The following CACNA1C variants were observed in gnomAD, a reference collection of about 807,000 sequenced individuals.
The protein encoded by CACNA1C is voltage-dependent L-type calcium channel subunit alpha-1C.
CACNA1C carries 30 observed loss-of-function variants against 229.0 expected under a neutral mutation model. That is an observed-to-expected ratio of 0.13 (90% CI 0.10 to 0.18). The LOEUF is 0.18. CACNA1C is among the 10% of genes least tolerant of loss of function. CACNA1C has a pLI of 1.00. For missense variants in CACNA1C, 1,658 were observed against 2,845.0 expected, an observed-to-expected ratio of 0.58 and a Z score of 9.49; for synonymous variants, 1,114 against 1,132.5, an observed-to-expected ratio of 0.98 and a Z score of 0.33.
chr12:2,637,440 G>A (rs559807516), intron 30 of CACNA1C, among the ~76,000 whole-genome samples: 2 of 152,256 alleles, frequency 1.3e-5, no homozygotes, highest in Non-Finnish European at 2.9e-5. Context: ...CTGTTTCCCA[G>A]ATATGCTTAG....
Position 2,595,389 on chromosome 12 carries a change from G to C in CACNA1C, c.2664-485G>C, listed in dbSNP as rs1375853321. Among the ~76,000 whole-genome samples the C allele has an allele frequency of 1.3e-5, 2 of 152,172 alleles. No homozygotes were observed. The highest frequency in any genetic ancestry group is 2.1e-4 in the South Asian group (1 of 4,830). On this transcript the variant is annotated intron_variant, in intron 19 of 46. Coordinates refer to ENST00000399655, the MANE Select transcript of CACNA1C (RefSeq NM_000719.7). The surrounding 1 kb of genome is among the most constrained non-coding windows in gnomAD (Gnocchi z 4.1). ...CTATCACTGAGTGCCTAGAAGCTCA[G>C]TTGGGTAATTGTGCTGGGGCATGGA... is the stretch of plus-strand genomic sequence containing the variant.
rs894696442 is a variant in CACNA1C, at chr12:2,289,836, C to T, written c.478-159140C>T. ...TTTGCCATTTACATGTTCACATTCA[C>T]TTAGCTCAAGTTACCCTTCTGATAA... On this transcript the variant is annotated intron_variant, in intron 3 of 46. Coordinates refer to ENST00000399655, the MANE Select transcript of CACNA1C (RefSeq NM_000719.7). 3.9e-5 allele frequency among the ~76,000 whole-genome samples: 6 copies of T among 152,214 alleles called. No individual in the cohort carries two copies. In the East Asian group the frequency reaches 9.6e-4, roughly 24 times the overall value.
intron 3 of CACNA1C, among the ~76,000 whole-genome samples, chr12:2,441,921 ACTTAGCCTTCCT>A (rs754294469): frequency 6.6e-6 from 1 of 152,088 alleles, no homozygotes; most frequent in Non-Finnish European, 1.5e-5. Flanking sequence ...AAGCCTCCTT[ACTTAGCCTTCCT>A]CTTGCCTGCA....
chr12:2,491,440 G>A (rs1016871669), intron 6 of CACNA1C, among the ~76,000 whole-genome samples: 3 of 151,640 alleles, frequency 2.0e-5, no homozygotes, highest in East Asian at 1.9e-4. Context: ...GAAGAAGGAG[G>A]AGGAGGAAAA....
rs1374517039 is a variant in CACNA1C at position 2,346,692 on chromosome 12, A to G, written c.478-102284A>G. Among the ~76,000 whole-genome samples the G allele has an allele frequency of 6.6e-6, 1 of 152,174 alleles. No individual in the cohort carries two copies. Among genetic ancestry groups the G allele is most frequent in the Admixed American group, 6.5e-5 (1 of 15,274 alleles). ...AGTACAGGCTTTGCCAGGGCTTAGC[A>G]GGGGGAATTGGAAGGCCTTAAAAGG... is the stretch of plus-strand genomic sequence containing the variant. On this transcript the variant is annotated intron_variant, in intron 3 of 46. Coordinates refer to ENST00000399655, the MANE Select transcript of CACNA1C (RefSeq NM_000719.7). The surrounding 1 kb of genome is among the most constrained non-coding windows in gnomAD (Gnocchi z 4.4).
chr12:2,363,566 G>A (rs2097632953), intron 3 of CACNA1C, among the ~76,000 whole-genome samples: 1 of 152,162 alleles, frequency 6.6e-6, no homozygotes, highest in Non-Finnish European at 1.5e-5. Context: ...GTGGGGGAGT[G>A]CTTCCACAGT....
intron 3 of CACNA1C, among the ~76,000 whole-genome samples, chr12:2,147,175 T>C (rs925368152): frequency 5.9e-5 from 9 of 151,372 alleles, no homozygotes; most frequent in African/African-American, 2.2e-4. Flanking sequence ...GGGGGGAACC[T>C]CCAAAATGTT....
intron 8 of CACNA1C, among the ~76,000 whole-genome samples, chr12:2,511,166 C>T (rs954940783): frequency 1.3e-5 from 2 of 152,204 alleles, no homozygotes; most frequent in East Asian, 1.9e-4. Flanking sequence ...CAAACCAGAG[C>T]ATCATTAAGG....
chr12:2,253,022 A>G (rs1290905437), intron 3 of CACNA1C, among the ~76,000 whole-genome samples: 2 of 152,198 alleles, frequency 1.3e-5, no homozygotes, highest in South Asian at 2.1e-4. Flanking sequence ...AAGGGAAGGT[A>G]TGGCAGGAAC....
At chr12:2,658,438 A>G (rs1202782843) in intron 34 of CACNA1C, among the ~76,000 whole-genome samples, 1 of 152,214 alleles carries the variant, frequency 6.6e-6, no homozygotes, top group Non-Finnish European at 1.5e-5. Flanking sequence ...CAGTGACGCT[A>G]TAGCATCAAA....
intron 3 of CACNA1C, among the ~76,000 whole-genome samples, chr12:2,420,316 C>G (rs747716473): frequency 6.6e-6 from 1 of 152,074 alleles, no homozygotes; most frequent in Non-Finnish European, 1.5e-5. Context: ...AGAGATTGGA[C>G]CAGGGAGATG....
chr12:2,612,318 T>C (rs975735375), intron 29 of CACNA1C: 4 of 319,992 alleles, frequency 1.3e-5, no homozygotes, highest in African/African-American at 8.4e-5. Context: ...TTCTCCTATG[T>C]CCCATCCTCT....
At chr12:2,391,932 A>G (rs779263848) in intron 3 of CACNA1C, among the ~76,000 whole-genome samples, 2 of 152,260 alleles carry the variant, frequency 1.3e-5, no homozygotes, top group South Asian at 4.1e-4. Context: ...GGTGGCCACC[A>G]TGCTGCACAG....
chr12:2,245,603 C>T (rs1258257632), intron 3 of CACNA1C, among the ~76,000 whole-genome samples: 3 of 152,264 alleles, frequency 2.0e-5, no homozygotes, highest in South Asian at 2.1e-4. Flanking sequence ...CTTTATGACC[C>T]CAGAACACCT....
chr12:2,606,728 C>A, intron 25 of CACNA1C, 65 bp downstream of exon 25: 1 of 1,420,622 alleles, frequency 7.0e-7, no homozygotes. Flanking sequence ...GGAGGCTTGA[C>A]CAGAAAGGAG....
Position 2,679,621 on chromosome 12 carries a change from A to C in CACNA1C, c.5269A>C (p.Ser1757Arg). ...KLVDSTFTPSSYSSTGSNANI... is the reference protein window; with the variant it reads ...KLVDSTFTPSRYSSTGSNANI... The stretch of plus-strand genomic sequence containing the variant: ...GGTGGACTCCACCTTCACCCCGAGC[A>C]GCTACTCGTCCACCGGCTCCAACGC... The change falls in exon 42 of 47, where the codon AGC (serine) becomes CGC (arginine). Residue 1757 changes from serine to arginine, a missense_variant. By Grantham distance (110) the Ser-to-Arg change is moderately radical. Coordinates refer to ENST00000399655, the MANE Select transcript of CACNA1C (RefSeq NM_000719.7). This position sits in a 1 kb window ranked among gnomAD's most constrained non-coding sequence, Gnocchi z 5.5. 1 of 1,613,894 alleles carries C rather than the reference A, an allele frequency of 6.2e-7. No individual in the cohort carries two copies. The highest frequency in any genetic ancestry group is 1.1e-5 in the South Asian group (1 of 91,054).
chr12:2,401,807 A>G (rs1363331594), intron 3 of CACNA1C, among the ~76,000 whole-genome samples: 2 of 152,266 alleles, frequency 1.3e-5, no homozygotes, highest in Non-Finnish European at 2.9e-5. Context: ...AATGTTGTAA[A>G]ATAATGCAAC....
At chr12:2,175,722 T>C (rs886560808) in intron 3 of CACNA1C, among the ~76,000 whole-genome samples, 1 of 152,148 alleles carries the variant, frequency 6.6e-6, no homozygotes, top group Non-Finnish European at 1.5e-5. Flanking sequence ...TTGCGTTGAG[T>C]AGCTGGAATT....
At chr12:2,434,544 C>T (rs1300587306) in intron 3 of CACNA1C, among the ~76,000 whole-genome samples, 5 of 152,194 alleles carry the variant, frequency 3.3e-5, no homozygotes, top group African/African-American at 4.8e-5. Flanking sequence ...GCGCCGTGGA[C>T]GTCCCACTAC....
Sources: allele counts gnomAD v4.1 joint callset (sites outside exome capture counted in the v4.1 genomes callset), GRCh38; gene constraint gnomAD v4.1.1; non-coding constraint Gnocchi (gnomAD v3.1); transcripts MANE v1.5; gene names NCBI Gene and HGNC (gene_info 2026-07-23, HGNC 2026-07-21).